The following DACH2 variants were observed in gnomAD, a reference collection of about 807,000 sequenced individuals.
The protein encoded by DACH2 is dachshund family transcription factor 2, also known as dachshund homolog 2.
A neutral mutation model predicts 35.8 loss-of-function variants in DACH2; 17 were observed. That is an observed-to-expected ratio of 0.48 (90% CI 0.33 to 0.71). The LOEUF is 0.71. Among genes scored for constraint, DACH2 ranks in the 30% least tolerant of loss-of-function variants. The pLI, the probability that DACH2 is intolerant of heterozygous loss-of-function variation, is 0.02. For synonymous variants in DACH2, 195 were observed against 177.3 expected (o/e 1.10, Z -0.79); for missense variants, 469 against 472.7 (o/e 0.99, Z 0.07).
intron 4 of DACH2, among the ~76,000 whole-genome samples, chrX:86,681,444 G>A (rs2040879737): frequency 9.1e-6 from 1 of 109,352 alleles, no homozygotes; most frequent in Admixed American, 9.9e-5. Context: ...GCTAGACATG[G>A]TGTTGCGCAC....
chrX:86,271,829 A>G (rs1286160454), intron 1 of DACH2, among the ~76,000 whole-genome samples: 2 of 111,753 alleles, frequency 1.8e-5, no homozygotes, highest in African/African-American at 3.2e-5. Flanking sequence ...ACTACACTAA[A>G]TGTACTTTTT....
chrX:86,492,782 T>C (rs978494422), intron 2 of DACH2, among the ~76,000 whole-genome samples: 2 of 112,006 alleles, frequency 1.8e-5, no homozygotes, highest in Non-Finnish European at 3.8e-5. Context: ...AAGGACATTA[T>C]TTCTTTCTTT....
chrX:86,260,181 C>T (rs2033600403), intron 1 of DACH2, among the ~76,000 whole-genome samples: 1 of 110,722 alleles, frequency 9.0e-6, no homozygotes, highest in African/African-American at 3.3e-5. Flanking sequence ...ATAAAACTTA[C>T]TAGATACAGT....
At chrX:86,820,902 T>C (rs993313862) in intron 11 of DACH2, among the ~76,000 whole-genome samples, 1 of 110,753 alleles carries the variant, frequency 9.0e-6, no homozygotes, top group African/African-American at 3.3e-5. Flanking sequence ...CATGCCAATA[T>C]TTCCTAAAAA....
chrX:86,623,821 G>A (rs113106079), intron 3 of DACH2, among the ~76,000 whole-genome samples: 3,028 of 97,158 alleles, frequency 0.031, 176 homozygotes, highest in Non-Finnish European at 0.047. Context: ...AGGCCGAGAC[G>A]GGCGGATCAC....
chrX:86,327,544 CT>C (rs1349227045), intron 1 of DACH2, among the ~76,000 whole-genome samples: 4 of 111,818 alleles, frequency 3.6e-5, no homozygotes, highest in African/African-American at 6.5e-5. Context: ...TATTTTCCCC[CT>C]GTCCCTGTTA....
chrX:86,593,716 T>C (rs1391714396), intron 3 of DACH2, among the ~76,000 whole-genome samples: 1 of 111,290 alleles, frequency 9.0e-6, no homozygotes, highest in East Asian at 2.8e-4. Flanking sequence ...CATGAGTCAC[T>C]GTGCCTGGAC....
At chrX:86,583,137 G>T (rs957726381) in intron 3 of DACH2, among the ~76,000 whole-genome samples, 3 of 111,266 alleles carry the variant, frequency 2.7e-5, no homozygotes, top group African/African-American at 9.8e-5. Context: ...AATAGACGCA[G>T]AAAAGGCTTT....
At chrX:86,379,808 G>A (rs914627236) in intron 2 of DACH2, among the ~76,000 whole-genome samples, 1 of 111,032 alleles carries the variant, frequency 9.0e-6, no homozygotes, top group Non-Finnish European at 1.9e-5. Context: ...ATATGACAAT[G>A]TGCAAAATAG....
intron 2 of DACH2, among the ~76,000 whole-genome samples, chrX:86,449,180 TTCTC>T: frequency 1.8e-5 from 1 of 54,784 alleles, no homozygotes; most frequent in Non-Finnish European, 3.4e-5. Flanking sequence ...TATTTGATTC[TTCTC>T]TCTTTTTTTC....
In DACH2 at chrX:86,351,167, C is replaced by G. The variant is rs1474184868; in HGVS notation, c.489-25657C>G. Among the ~76,000 whole-genome samples the G allele has an allele frequency of 1.1e-3, 21 of 18,586 alleles. 2 individuals are homozygous for G. The highest frequency in any genetic ancestry group is 2.6e-3 in the Admixed American group (2 of 757). The allele number at this position is 18,586 out of a possible 115,157, so 16.1% of individuals were successfully genotyped here. ...ATGGGAGTTCACCCATGATTTGGCT[C>G]TCTGTTTGTCTGTTGTTGGTGTATA... On this transcript the variant is annotated intron_variant, in intron 1 of 11. Transcript: ENST00000373125.
chrX:86,807,171 G>C (rs183616979), intron 7 of DACH2, among the ~76,000 whole-genome samples: 85 of 111,725 alleles, frequency 7.6e-4, no homozygotes, highest in Non-Finnish European at 1.4e-3. Flanking sequence ...ACCTAGAGAA[G>C]GGTATTTCCA....
At chrX:86,591,688 A>G (rs1324555710) in intron 3 of DACH2, among the ~76,000 whole-genome samples, 1 of 107,634 alleles carries the variant, frequency 9.3e-6, no homozygotes, top group Non-Finnish European at 1.9e-5. Context: ...CAGGCGTGCA[A>G]CTCTACACCT....
Position 86,651,111 on chromosome X carries a change from G to A in DACH2, c.716G>A (p.Gly239Glu), listed in dbSNP as rs2040473399. Residue 239 changes from glycine (G) to glutamate (E), a missense_variant, in exon 4 of 12, where the codon GGA becomes GAA. This residue lies in a region of DACH2 where 363 missense variants were observed against 334.4 expected (regional missense o/e 1.09). Transcript: ENST00000373125. ...CTTATGGCTATGAACACTCTTCAGG[G>A]AAATGGAAGCCAAAATGGGACCGAA... ...MKLMAMNTLQ[G>E]NGSQNGTESE... The A allele has an allele frequency of 1.7e-6, 2 of 1,210,137 alleles. No individual in the cohort carries two copies. The highest frequency in any genetic ancestry group is 2.2e-6 in the Non-Finnish European group (2 of 894,547).
chrX:86,196,495 A>G (rs2031986541), intron 1 of DACH2, among the ~76,000 whole-genome samples: 1 of 108,799 alleles, frequency 9.2e-6, no homozygotes, highest in South Asian at 4.1e-4. Context: ...GATTGAATCC[A>G]TCCTGGCTAA....
chrX:86,480,250 G>C (rs2037917974), intron 2 of DACH2, among the ~76,000 whole-genome samples: 1 of 112,329 alleles, frequency 8.9e-6, no homozygotes, highest in South Asian at 3.7e-4. Context: ...GGTGGTGTTG[G>C]ATAAGATCCA....
At chrX:86,749,309 C>T (rs763444327) in intron 7 of DACH2, among the ~76,000 whole-genome samples, 1 of 112,100 alleles carries the variant, frequency 8.9e-6, no homozygotes, top group East Asian at 2.8e-4. Flanking sequence ...CCTATCTTGG[C>T]TTTTGACATG....
At position 86,408,896 on chromosome X, in the gene DACH2, A is replaced by G. The variant is rs144145751; in HGVS notation, c.527+32034A>G. ...GTGCATGTTAGTAGATGCTCAATGA[A>G]TAACTGTAAGGTAAATGAATGAATT... is the stretch of plus-strand genomic sequence containing the variant. On this transcript the variant is annotated intron_variant, in intron 2 of 11. Coordinates refer to ENST00000373125, the MANE Select transcript of DACH2 (RefSeq NM_053281.3). Among the ~76,000 whole-genome samples, 45 of 111,790 alleles carry G rather than the reference A, an allele frequency of 4.0e-4. 1 individual carries two copies. In the East Asian group the frequency reaches 0.011, roughly 27 times the overall value.
At chrX:86,198,502 T>C (rs1228688043) in intron 1 of DACH2, among the ~76,000 whole-genome samples, 1 of 110,227 alleles carries the variant, frequency 9.1e-6, no homozygotes, top group Non-Finnish European at 1.9e-5. Context: ...TTCTTTTAAA[T>C]TAATAAAACA....
Sources: gnomAD v4.1 joint callset for allele counts (sites outside exome capture counted in the v4.1 genomes callset) on GRCh38, gnomAD v4.1.1 for gene constraint, gnomAD v4.1.1 regional missense constraint, MANE v1.5 for transcripts, NCBI Gene and HGNC (gene_info 2026-07-23, HGNC 2026-07-21) for gene names.